Variants in ACVR2A observed in about 807,000 individuals in gnomAD.
ACVR2A encodes activin A receptor type 2A, also known as activin receptor type-2A.
A neutral mutation model predicts 61.4 loss-of-function variants in ACVR2A; 7 were observed. The observed-to-expected ratio is 0.11, with a 90% CI of 0.06 to 0.21. ACVR2A has a LOEUF of 0.21. Among genes scored for constraint, ACVR2A ranks in the 10% least tolerant of loss-of-function variants. ACVR2A has a pLI of 1.00. For synonymous variants in ACVR2A, 193 were observed against 208.3 expected (o/e 0.93, Z 0.63); for missense variants, 322 against 621.7 (o/e 0.52, Z 5.13).
chr2:147,853,815 C>T (rs1685501698), intron 1 of ACVR2A, among the ~76,000 whole-genome samples: 1 of 151,972 alleles, frequency 6.6e-6, no homozygotes, highest in Admixed American at 6.6e-5. Flanking sequence ...GTTTATTGTT[C>T]TTCCCATCTT....
intron 1 of ACVR2A, among the ~76,000 whole-genome samples, chr2:147,875,453 C>T (rs1354847424): frequency 6.6e-6 from 1 of 151,866 alleles, no homozygotes; most frequent in African/African-American, 2.4e-5. Context: ...TTATTTAATC[C>T]TACACATAAC....
intron 2 of ACVR2A, among the ~76,000 whole-genome samples, chr2:147,898,915 G>A (rs979366508): frequency 3.3e-5 from 5 of 152,064 alleles, no homozygotes; most frequent in Non-Finnish European, 7.4e-5. Context: ...AACAGTGACA[G>A]TATTAATTTC....
intron 1 of ACVR2A, among the ~76,000 whole-genome samples, chr2:147,854,027 A>T (rs1685506923): frequency 6.6e-6 from 1 of 152,156 alleles, no homozygotes; most frequent in Non-Finnish European, 1.5e-5. Flanking sequence ...TTAGTTTTTA[A>T]TCTATCTTTA....
chr2:147,927,403 A>C lies in ACVR2A; in HGVS notation c.*129A>C. ...TCTCTTGGAAATGTTAAGAAAGAAGACCCTTTGTTGAAAAATGTTGCTCTG... is the reference window on the plus strand; with the variant it reads ...TCTCTTGGAAATGTTAAGAAAGAAGCCCCTTTGTTGAAAAATGTTGCTCTG... On this transcript the variant is annotated 3_prime_UTR_variant, in exon 11 of 11. Coordinates refer to ENST00000241416, the MANE Select transcript of ACVR2A (RefSeq NM_001616.5). 1 of 921,854 alleles carries C rather than the reference A, an allele frequency of 1.1e-6. No homozygotes were observed. The highest frequency in any genetic ancestry group is 1.7e-5 in the African/African-American group (1 of 58,096). The allele number at this position is 921,854 out of a possible 1,614,324, so 57.1% of individuals were successfully genotyped here.
chr2:147,902,108 G>A (rs889610127), intron 4 of ACVR2A, among the ~76,000 whole-genome samples: 11 of 151,758 alleles, frequency 7.2e-5, no homozygotes, highest in Non-Finnish European at 7.4e-5. Flanking sequence ...TTTCCAAGTT[G>A]TGAGACTGAT....
At chr2:147,855,649 CTTATT>C (rs1458120705) in intron 1 of ACVR2A, among the ~76,000 whole-genome samples, 1 of 151,642 alleles carries the variant, frequency 6.6e-6, no homozygotes, top group African/African-American at 2.4e-5. Flanking sequence ...CCTTTTGTAT[CTTATT>C]TTAGTCATCT....
chr2:147,875,069 T>G (rs555635207), intron 1 of ACVR2A, among the ~76,000 whole-genome samples: 2 of 152,148 alleles, frequency 1.3e-5, no homozygotes, highest in South Asian at 4.1e-4. Flanking sequence ...CGAAGCGGGA[T>G]TATAGACGTT....
Position 147,909,187 on chromosome 2 carries a change from C to T in ACVR2A, c.529-6004C>T, listed in dbSNP as rs144937654. 2.3e-3 allele frequency among the ~76,000 whole-genome samples: 356 copies of T among 152,236 alleles called. 2 individuals carry two copies. Among genetic ancestry groups the T allele is most frequent in the African/African-American group, 7.9e-3 (329 of 41,546 alleles). ...ACTTACTCCATTTTTCAAGGGTGTT[C>T]TCCACAGGGAAATCTTCTCAGACTT... On this transcript the variant is annotated intron_variant, in intron 4 of 10. Transcript: ENST00000241416.
chr2:147,929,376 A>C lies in ACVR2A; in HGVS notation c.*2102A>C. On this transcript the variant is annotated 3_prime_UTR_variant, in exon 11 of 11. Transcript: ENST00000241416. Reference sequence around the variant, plus strand: ...GTGAACATTTAACTTTCTTTTTAAAAGTTAAACAAAAATAAACAAGGGATA... The same window carrying C: ...GTGAACATTTAACTTTCTTTTTAAACGTTAAACAAAAATAAACAAGGGATA... 1 of 130,432 alleles carries C rather than the reference A, an allele frequency of 7.7e-6. No individual in the cohort carries two copies. Among genetic ancestry groups the C allele is most frequent in the African/African-American group, 2.8e-5 (1 of 35,392 alleles). 8.1% of individuals were successfully genotyped at this position (130,432 alleles called of 1,614,324 possible). A position where few individuals can be genotyped will look rare whatever the true frequency, so the allele number is the denominator to read the frequency against.
At chr2:147,913,558 T>A (rs1687172213) in intron 4 of ACVR2A, among the ~76,000 whole-genome samples, 1 of 151,886 alleles carries the variant, frequency 6.6e-6, no homozygotes, top group South Asian at 2.1e-4. Context: ...CAAGCTTTTT[T>A]TCTCTTGTCT....
intron 1 of ACVR2A, among the ~76,000 whole-genome samples, chr2:147,886,331 T>C (rs1686430792): frequency 6.6e-6 from 1 of 152,210 alleles, no homozygotes; most frequent in South Asian, 2.1e-4. Context: ...TCATTAACTC[T>C]TCCCAGAGGA....
In ACVR2A at chr2:147,922,908, C is replaced by T. The variant is rs895833395; in HGVS notation, c.1078-65C>T. The T allele has an allele frequency of 9.0e-6, 14 of 1,548,332 alleles. No homozygotes were observed. In the Admixed American group the frequency reaches 2.1e-4, roughly 23 times the overall value. The stretch of plus-strand genomic sequence containing the variant: ...CCACATTTGGTTTTGATTCATCTTA[C>T]AAAATCATATGTTAGTTCATAAAGT... On this transcript the variant is annotated intron_variant, in intron 8 of 10. Transcript: ENST00000241416.
intron 1 of ACVR2A, among the ~76,000 whole-genome samples, chr2:147,880,475 A>G (rs1686273679): frequency 6.6e-6 from 1 of 152,214 alleles, no homozygotes; most frequent in Non-Finnish European, 1.5e-5. Flanking sequence ...TTTAAAAATA[A>G]TAAAGTACCT....
In ACVR2A at chr2:147,899,822, C is replaced by T. The variant is rs200433753; in HGVS notation, c.452C>T (p.Ala151Val). 2.9e-5 allele frequency: 46 copies of T among 1,613,670 alleles called. No homozygotes were observed. The East Asian group carries it at 7.1e-4, about 25-fold the overall frequency. Residue 151 changes from alanine to valine, a missense_variant, in exon 4 of 11, where the codon GCG becomes GTG. Ala to Val is a moderately conservative substitution (Grantham distance 64). Around this residue, in one of 3 missense-constraint regions of ACVR2A, gnomAD observed 142 missense variants for 200.3 expected, o/e 0.71. Coordinates refer to ENST00000241416, the MANE Select transcript of ACVR2A (RefSeq NM_001616.5). ...TCCTTGGTGCCACTTATGTTAATTGCGGGGATTGTCATTTGTGCATTTTGG... is the reference window on the plus strand; with the variant it reads ...TCCTTGGTGCCACTTATGTTAATTGTGGGGATTGTCATTTGTGCATTTTGG... ...LYSLVPLMLI[A>V]GIVICAFWVY...
intron 1 of ACVR2A, among the ~76,000 whole-genome samples, chr2:147,870,647 T>C (rs184576750): frequency 3.3e-5 from 5 of 152,318 alleles, no homozygotes; most frequent in East Asian, 3.9e-4. Flanking sequence ...GTGAGTCTTT[T>C]AGTTGCAAGA....
At chr2:147,917,534 A>C in intron 6 of ACVR2A, 108 bp downstream of exon 6, 3 of 1,148,204 alleles carry the variant, frequency 2.6e-6, no homozygotes, top group Admixed American at 5.5e-5. Context: ...ATAGTTGATT[A>C]ATATTTAACC....
intron 1 of ACVR2A, among the ~76,000 whole-genome samples, chr2:147,883,339 C>T (rs888956927): frequency 3.3e-5 from 5 of 152,114 alleles, no homozygotes; most frequent in Non-Finnish European, 7.4e-5. Flanking sequence ...TATAGGCGCA[C>T]GCTACCACAC....
chr2:147,870,408 A>G (rs1168611925), intron 1 of ACVR2A, among the ~76,000 whole-genome samples: 2 of 152,116 alleles, frequency 1.3e-5, no homozygotes, highest in African/African-American at 4.8e-5. Flanking sequence ...ATACCTTGCC[A>G]CAATGCTGAA....
intron 8 of ACVR2A, 131 bp from the exon 9 acceptor site, chr2:147,922,842 A>G (rs1422586370): frequency 1.2e-5 from 10 of 817,442 alleles, no homozygotes; most frequent in African/African-American, 5.2e-5. Flanking sequence ...GGATCTTTCT[A>G]TTTATACGCT....
Sources: gnomAD v4.1 joint callset for allele counts (sites outside exome capture counted in the v4.1 genomes callset) on GRCh38, gnomAD v4.1.1 for gene constraint, gnomAD v4.1.1 regional missense constraint, MANE v1.5 for transcripts, NCBI Gene and HGNC (gene_info 2026-07-23, HGNC 2026-07-21) for gene names.